TNRC6A: variants seen among roughly 807,000 people sequenced by gnomAD.
TNRC6A encodes trinucleotide repeat-containing gene 6A protein.
Under a neutral mutation model 221.2 loss-of-function variants are expected in TNRC6A, and 44 were observed. The ratio of observed to expected loss-of-function variants is 0.20; its 90% CI spans 0.16 to 0.26. The LOEUF (loss-of-function observed/expected upper bound fraction) is 0.26, where lower values mean the gene tolerates loss of function less well. TNRC6A is among the 10% of genes least tolerant of loss of function. TNRC6A has a pLI of 1.00. For missense variants in TNRC6A, 2,199 were observed against 2,404.4 expected (o/e 0.91, Z 1.79); for synonymous variants, 847 against 838.5 (o/e 1.01, Z -0.18).
At chr16:24,674,738 A>G (rs1338754050) in intron 2 of TNRC6A, among the ~76,000 whole-genome samples, 1 of 141,396 alleles carries the variant, frequency 7.1e-6, no homozygotes, top group Non-Finnish European at 1.5e-5. Context: ...ACACACACAC[A>G]TCTTTGTCTA....
intron 4 of TNRC6A, among the ~76,000 whole-genome samples, chr16:24,768,057 A>G (rs775678491): frequency 1.9e-4 from 29 of 152,158 alleles, no homozygotes; most frequent in African/African-American, 4.1e-4. Context: ...CAGTTCTAAT[A>G]AGCAAATTTG....
At chr16:24,648,396 A>G (rs867691240) in intron 2 of TNRC6A, among the ~76,000 whole-genome samples, 19 of 150,588 alleles carry the variant, frequency 1.3e-4, no homozygotes, top group East Asian at 5.9e-4. Flanking sequence ...TCAGCCTCCC[A>G]AGTAGCTAGG....
intron 4 of TNRC6A, among the ~76,000 whole-genome samples, chr16:24,775,972 G>GT (rs1482537867): frequency 1.3e-5 from 2 of 152,184 alleles, no homozygotes; most frequent in Non-Finnish European, 2.9e-5. Context: ...TATGTTCTGT[G>GT]TTTTATAAAC....
At position 24,824,126 on chromosome 16, in the gene TNRC6A, A is replaced by ACTCC. The variant is rs2058826330; in HGVS notation, c.*320_*321insTCCC. Reference sequence around the variant, plus strand: ...TTTTTTTTCCTTCTATTCCTCCCCAACCCCCCCCCCCGCCCCTTTTTTTCT... The same window carrying ACTCC: ...TTTTTTTTCCTTCTATTCCTCCCCAACTCCCCCCCCCCCCCGCCCCTTTTTTTCT... On this transcript the variant is annotated 3_prime_UTR_variant, in exon 25 of 25. Transcript: ENST00000395799. 7.7e-5 allele frequency: 2 copies of ACTCC among 25,976 alleles called. No homozygotes were observed. The highest frequency in any genetic ancestry group is 1.6e-4 in the Non-Finnish European group (2 of 12,888). The allele number at this position is 25,976 out of a possible 1,614,324, so 1.6% of individuals were successfully genotyped here.
chr16:24,678,495 A>T (rs1225037328), intron 2 of TNRC6A, among the ~76,000 whole-genome samples: 2 of 152,170 alleles, frequency 1.3e-5, no homozygotes, highest in African/African-American at 4.8e-5. Context: ...AGAAATCTCC[A>T]GCCAACAGCC....
chr16:24,812,717 AG>A (rs1054826398), intron 18 of TNRC6A, among the ~76,000 whole-genome samples: 1 of 152,124 alleles, frequency 6.6e-6, no homozygotes, highest in African/African-American at 2.4e-5. Flanking sequence ...GGTTTGTGTA[AG>A]GGCACTCTGA....
intron 2 of TNRC6A, among the ~76,000 whole-genome samples, chr16:24,732,522 T>C (rs1400352669): frequency 6.6e-6 from 1 of 152,206 alleles, no homozygotes; most frequent in Non-Finnish European, 1.5e-5. Context: ...GTTTTACAGA[T>C]GGAGAATTTG....
intron 11 of TNRC6A, among the ~76,000 whole-genome samples, chr16:24,801,533 C>CTTTT (rs34391039): frequency 4.1e-5 from 5 of 121,588 alleles, no homozygotes; most frequent in Non-Finnish European, 5.4e-5. Context: ...ATGCTACTCT[C>CTTTT]TTTTTTTTTT....
chr16:24,776,179 AC>A, intron 4 of TNRC6A: 1 of 838,118 alleles, frequency 1.2e-6, no homozygotes, highest in South Asian at 5.5e-5. Flanking sequence ...GGGTTTACTT[AC>A]ACTAGCTTAA....
At position 24,647,811 on chromosome 16, in the gene TNRC6A, C is replaced by T. The variant is rs181594611; in HGVS notation, n.402+6802C>T. ...ATTTTTAGTAGAGATGTGTTTTCAC[C>T]ATGTTGGCCAGGCTGGTCTCGAACT... On this transcript the variant is annotated intron_variant and non_coding_transcript_variant, in intron 2 of 2. Transcript: ENST00000566108. 2.5e-3 allele frequency among the ~76,000 whole-genome samples: 375 copies of T among 152,222 alleles called. 2 individuals carry two copies. Among genetic ancestry groups the T allele is most frequent in the African/African-American group, 8.5e-3 (354 of 41,540 alleles).
At position 24,687,911 on chromosome 16, in the gene TNRC6A, C is replaced by CTTCTTTTCTTTTCTT. The variant is rs551462314; in HGVS notation, n.402+46935_402+46949dup. Among the ~76,000 whole-genome samples the CTTCTTTTCTTTTCTT allele has an allele frequency of 2.5e-3, 297 of 120,240 alleles. 4 individuals are homozygous for CTTCTTTTCTTTTCTT. The highest frequency in any genetic ancestry group is 5.7e-3 in the African/African-American group (179 of 31,542). 78.9% of individuals were successfully genotyped at this position (120,240 alleles called of 152,430 possible). A position where few individuals can be genotyped will look rare whatever the true frequency, so the allele number is the denominator to read the frequency against. ...GCTTATTCCAACTTTCTTGGACATG[C>CTTCTTTTCTTTTCTT]TTCTTTTCTTTTCTTTTCTTTTCTT... is the stretch of plus-strand genomic sequence containing the variant. On this transcript the variant is annotated intron_variant and non_coding_transcript_variant, in intron 2 of 2. Transcript: ENST00000566108.
At chr16:24,703,356 T>C (rs1267273217) in intron 2 of TNRC6A, among the ~76,000 whole-genome samples, 1 of 152,186 alleles carries the variant, frequency 6.6e-6, no homozygotes, top group Non-Finnish European at 1.5e-5. Flanking sequence ...GGGCCAACCA[T>C]GCCATAGCAT....
intron 2 of TNRC6A, chr16:24,661,958 G>C (rs1321114574): frequency 6.6e-6 from 1 of 152,106 alleles, no homozygotes; most frequent in Non-Finnish European, 1.5e-5. Context: ...TTGCTTAGGA[G>C]GCTGAGGAAG....
intron 4 of TNRC6A, among the ~76,000 whole-genome samples, chr16:24,775,900 C>T (rs143051829): frequency 6.3e-4 from 96 of 152,348 alleles, no homozygotes; most frequent in African/African-American, 2.3e-3. Flanking sequence ...CATTCAACTG[C>T]TACCAAAGTA....
rs372675272 is a variant in TNRC6A at position 24,789,362 on chromosome 16, C to T, written c.720C>T (p.Pro240=). The part of the protein sequence containing the change: ...VSDLSEKEAW[P]SAPGSDPELA... ...ACTTGTCGGAAAAAGAAGCATGGCC[C>T]TCAGCCCCTGGCAGTGATCCGGAGT... The change falls in exon 6 of 25, where the codon CCC becomes CCT. Residue 240 remains proline (P), a synonymous_variant. Transcript: ENST00000395799. 6 of 1,614,080 alleles carry T rather than the reference C, an allele frequency of 3.7e-6. No individual in the cohort carries two copies. The highest frequency in any genetic ancestry group is 2.7e-5 in the African/African-American group (2 of 74,916).
At chr16:24,816,519 T>C (rs1476426858) in intron 19 of TNRC6A, 1 of 253,644 alleles carries the variant, frequency 3.9e-6, no homozygotes, top group Non-Finnish European at 7.6e-6. Context: ...CATACATACA[T>C]ATATATGATT....
At chr16:24,714,553 C>T (rs953704002) in intron 2 of TNRC6A, among the ~76,000 whole-genome samples, 1 of 152,030 alleles carries the variant, frequency 6.6e-6, no homozygotes, top group African/African-American at 2.4e-5. Context: ...GATCTACCTG[C>T]CTTGGCCTCC....
intron 2 of TNRC6A, among the ~76,000 whole-genome samples, chr16:24,708,456 T>C (rs2056141526): frequency 6.6e-6 from 1 of 152,056 alleles, no homozygotes; most frequent in Non-Finnish European, 1.5e-5. Context: ...TTAGCCAGGA[T>C]GGTCTCGATC....
At chr16:24,822,723 C>CCGTCAGAGCAA in intron 23 of TNRC6A, 151 bp from the exon 24 acceptor site, 1 of 1,092,628 alleles carries the variant, frequency 9.2e-7, no homozygotes. Context: ...GCTCTGCACC[C>CCGTCAGAGCAA]CGTCAGAGCA....
Sources: allele counts gnomAD v4.1 joint callset (sites outside exome capture counted in the v4.1 genomes callset), GRCh38; gene constraint gnomAD v4.1.1; transcripts MANE v1.5; gene names NCBI Gene and HGNC (gene_info 2026-07-23, HGNC 2026-07-21).